The following MSRB3 variants were observed in gnomAD, a reference collection of about 807,000 sequenced individuals.
MSRB3 encodes the protein methionine sulfoxide reductase B3.
In MSRB3, 13 loss-of-function variants were observed where a neutral mutation model predicts 21.0. That is an observed-to-expected ratio of 0.62 (90% CI 0.40 to 0.98). The LOEUF is 0.98. Among genes scored for constraint, MSRB3 ranks in the 50% least tolerant of loss-of-function variants. MSRB3 has a pLI of 0.00. For missense variants in MSRB3, 199 were observed against 230.3 expected, an observed-to-expected ratio of 0.86 and a Z score of 0.88; for synonymous variants, 87 against 88.6, an observed-to-expected ratio of 0.98 and a Z score of 0.10.
At chr12:65,430,473 G>T (rs1881824120) in intron 5 of MSRB3, among the ~76,000 whole-genome samples, 1 of 152,104 alleles carries the variant, frequency 6.6e-6, no homozygotes, top group African/African-American at 2.4e-5. Context: ...TACTAGAAAA[G>T]AATTTCATAT....
chr12:65,352,695 G>A (rs1433733245), intron 4 of MSRB3, among the ~76,000 whole-genome samples: 2 of 151,744 alleles, frequency 1.3e-5, no homozygotes, highest in Admixed American at 6.6e-5. Context: ...GCCAAATTAT[G>A]AGTGAACTCC....
intron 5 of MSRB3, among the ~76,000 whole-genome samples, chr12:65,417,120 T>G (rs796782318): frequency 1.3e-4 from 20 of 152,344 alleles, no homozygotes; most frequent in African/African-American, 4.8e-4. Context: ...CAAGACACAT[T>G]TGTTCAACTA....
rs1455427621 is a variant in MSRB3, at chr12:65,466,409, A to G, written c.*3087A>G. The G allele has an allele frequency of 1.3e-5, 2 of 152,238 alleles. No homozygotes were observed. The highest frequency in any genetic ancestry group is 2.9e-5 in the Non-Finnish European group (2 of 68,036). 9.4% of individuals were successfully genotyped at this position (152,238 alleles called of 1,614,324 possible). The stretch of plus-strand genomic sequence containing the variant: ...ATGGAGTGCAATGAACTGAGTCAAT[A>G]TGGCAAGGTGTATGTGATCTGTGGG... On this transcript the variant is annotated 3_prime_UTR_variant, in exon 7 of 7. Transcript: ENST00000308259.
intron 1 of MSRB3, among the ~76,000 whole-genome samples, chr12:65,287,020 CAAAAAAA>C (rs35236078): frequency 3.5e-5 from 2 of 57,152 alleles, no homozygotes; most frequent in South Asian, 1.2e-3. Context: ...GACCCTTTCT[CAAAAAAA>C]AAAAAAAAAA....
At chr12:65,337,295 A>G (rs942809770) in intron 4 of MSRB3, among the ~76,000 whole-genome samples, 2 of 151,612 alleles carry the variant, frequency 1.3e-5, no homozygotes, top group Admixed American at 6.6e-5. Flanking sequence ...TCAGCTGGGC[A>G]TGGTGATGCA....
At chr12:65,311,601 CA>C (rs1201003319) in intron 2 of MSRB3, among the ~76,000 whole-genome samples, 1 of 151,854 alleles carries the variant, frequency 6.6e-6, no homozygotes, top group African/African-American at 2.4e-5. Context: ...TTAGTTTGTA[CA>C]GGTAGGGAAG....
At chr12:65,449,392 G>A (rs1399553014) in intron 5 of MSRB3, among the ~76,000 whole-genome samples, 1 of 152,000 alleles carries the variant, frequency 6.6e-6, no homozygotes, top group East Asian at 1.9e-4. Flanking sequence ...TTTTGAATTA[G>A]GTAATAAGGT....
chr12:65,350,923 G>C (rs1438277238), intron 4 of MSRB3, among the ~76,000 whole-genome samples: 1 of 147,232 alleles, frequency 6.8e-6, no homozygotes, highest in Non-Finnish European at 1.5e-5. Context: ...AGTCAACAAG[G>C]ATACCCAGGA....
intron 6 of MSRB3, among the ~76,000 whole-genome samples, chr12:65,459,096 C>A (rs1044941187): frequency 2.1e-5 from 3 of 144,250 alleles, no homozygotes; most frequent in African/African-American, 7.5e-5. Flanking sequence ...ACTAATAAAT[C>A]ACTTAACTTT....
chr12:65,446,142 T>A (rs971507604), intron 5 of MSRB3, among the ~76,000 whole-genome samples: 2 of 152,182 alleles, frequency 1.3e-5, no homozygotes, highest in African/African-American at 4.8e-5. Flanking sequence ...GGGGGACACA[T>A]CCTTATATTT....
intron 5 of MSRB3, among the ~76,000 whole-genome samples, chr12:65,376,208 C>T (rs1286000266): frequency 6.6e-6 from 1 of 151,686 alleles, no homozygotes; most frequent in Non-Finnish European, 1.5e-5. Flanking sequence ...CAAGCTCCGC[C>T]TCCTGGGTTC....
At chr12:65,375,707 A>G (rs897678753) in intron 5 of MSRB3, among the ~76,000 whole-genome samples, 1 of 152,142 alleles carries the variant, frequency 6.6e-6, no homozygotes, top group African/African-American at 2.4e-5. Flanking sequence ...CCACAGCACT[A>G]GAATTAGGCA....
At chr12:65,340,729 C>T (rs1876082037) in intron 4 of MSRB3, among the ~76,000 whole-genome samples, 1 of 151,914 alleles carries the variant, frequency 6.6e-6, no homozygotes, top group Non-Finnish European at 1.5e-5. Flanking sequence ...ATGTTTAAAA[C>T]ACTAGAAATG....
At chr12:65,358,281 C>T (rs1877504609) in intron 4 of MSRB3, among the ~76,000 whole-genome samples, 1 of 151,620 alleles carries the variant, frequency 6.6e-6, no homozygotes, top group Admixed American at 6.6e-5. Context: ...CCATGCCCAG[C>T]TAATTTTTTA....
intron 1 of MSRB3, 67 bp from the exon 2 acceptor site, chr12:65,308,462 C>G (rs539290504): frequency 6.4e-7 from 1 of 1,563,872 alleles, no homozygotes. Flanking sequence ...ATCAGTTGTG[C>G]AATGAATGTG....
chr12:65,369,948 G>A (rs1042612153), intron 5 of MSRB3, among the ~76,000 whole-genome samples: 2 of 152,108 alleles, frequency 1.3e-5, no homozygotes, highest in African/African-American at 4.8e-5. Flanking sequence ...TATTCCTTTT[G>A]ATAGTAGTGT....
chr12:65,453,174 G>C (rs908770898), intron 5 of MSRB3, among the ~76,000 whole-genome samples: 14 of 152,162 alleles, frequency 9.2e-5, no homozygotes, highest in African/African-American at 3.4e-4. Flanking sequence ...AAAATAGATA[G>C]ATGCTATGAT....
intron 5 of MSRB3, among the ~76,000 whole-genome samples, chr12:65,449,574 T>C (rs537024404): frequency 5.3e-5 from 8 of 152,332 alleles, no homozygotes; most frequent in African/African-American, 1.9e-4. Flanking sequence ...ATCATCATTA[T>C]TGACCCATCA....
chr12:65,353,554 CT>C (rs1174214404), intron 4 of MSRB3, among the ~76,000 whole-genome samples: 2 of 151,946 alleles, frequency 1.3e-5, no homozygotes, highest in African/African-American at 4.8e-5. Flanking sequence ...CAACCCCTGC[CT>C]TTTTTTGTTT....
Sources: gnomAD v4.1 joint callset for allele counts (sites outside exome capture counted in the v4.1 genomes callset) on GRCh38, gnomAD v4.1.1 for gene constraint, MANE v1.5 for transcripts, NCBI Gene and HGNC (gene_info 2026-07-23, HGNC 2026-07-21) for gene names.